Variants in HELQ observed in about 807,000 individuals in gnomAD.
HELQ encodes the protein helicase, POLQ like, also known as helicase POLQ-like.
HELQ carries 77 observed loss-of-function variants against 111.6 expected under a neutral mutation model. That is an observed-to-expected ratio of 0.69 (90% confidence interval 0.57 to 0.83). The LOEUF (loss-of-function observed/expected upper bound fraction) is 0.83. HELQ is among the 40% of genes least tolerant of loss of function. HELQ has a pLI of 0.00. For missense variants in HELQ, 1,200 were observed against 1,288.5 expected (o/e 0.93, Z 1.05); for synonymous variants, 438 against 454.7 (o/e 0.96, Z 0.47).
At position 83,427,589 on chromosome 4, in the gene HELQ, G is replaced by T. The variant is rs754798999; in HGVS notation, c.2650C>A (p.Pro884Thr). 4 of 1,592,498 alleles carry T rather than the reference G, an allele frequency of 2.5e-6. No homozygotes were observed. In the African/African-American group the frequency reaches 5.5e-5, roughly 22 times the overall value. The change falls in exon 13 of 18, where the codon CCT becomes ACT. Residue 884 changes from proline (P) to threonine (T), a missense_variant. Physicochemically the swap from Pro to Thr is conservative, Grantham distance 38. This residue lies in a region of HELQ where 585 missense variants were observed against 665.3 expected (regional missense o/e 0.88). Transcript: ENST00000295488. Reference sequence around the variant, plus strand: ...TGCCTGAAGTATATCATCCAATCAGGGTTACACTGTGAAACCAGATCATAG... The same window carrying T: ...TGCCTGAAGTATATCATCCAATCAGTGTTACACTGTGAAACCAGATCATAG... Reference protein sequence around the residue: ...TPYDLVSQCNPDWMIYFRQFS... With the variant: ...TPYDLVSQCNTDWMIYFRQFS...
Position 83,453,747 on chromosome 4 carries a change from T to C in HELQ, c.496A>G (p.Thr166Ala), listed in dbSNP as rs927516911. Residue 166 changes from threonine (T) to alanine (A), a missense_variant, in exon 2 of 18, where the codon ACT becomes GCT. Thr to Ala is a moderately conservative substitution (Grantham distance 58). This residue lies in a region of HELQ where 610 missense variants were observed against 607.1 expected (regional missense o/e 1.00). Coordinates refer to ENST00000295488, the MANE Select transcript of HELQ (RefSeq NM_133636.5). The stretch of plus-strand genomic sequence containing the variant: ...GTGTGCTTATCAGTTTGTAATTCAG[T>C]AAGGTTGCCTATGGTAGTAATGCTG... Reference protein sequence around the residue: ...KLSITTIGNLTELQTDKHTEN... With the variant: ...KLSITTIGNLAELQTDKHTEN... 1.4e-5 allele frequency: 23 copies of C among 1,614,202 alleles called. No homozygotes were observed. The highest frequency in any genetic ancestry group is 1.9e-5 in the Non-Finnish European group (22 of 1,180,020).
chr4:83,410,229 A>G (rs530386230), intron 17 of HELQ, among the ~76,000 whole-genome samples: 1 of 152,086 alleles, frequency 6.6e-6, no homozygotes, highest in South Asian at 2.1e-4. Flanking sequence ...AGCCTGGGTG[A>G]CAGAGACCTA....
At chr4:83,433,483 C>G (rs1231735190) in intron 9 of HELQ, among the ~76,000 whole-genome samples, 2 of 151,632 alleles carry the variant, frequency 1.3e-5, no homozygotes, top group Non-Finnish European at 2.9e-5. Context: ...CTGGCTAACA[C>G]AGTGAAACCC....
chr4:83,438,509 G>T (rs1054908723), intron 8 of HELQ, among the ~76,000 whole-genome samples: 1 of 152,076 alleles, frequency 6.6e-6, no homozygotes, highest in African/African-American at 2.4e-5. Flanking sequence ...GGGAGGCTAT[G>T]GGGGGCGGAT....
intron 2 of HELQ, among the ~76,000 whole-genome samples, chr4:83,450,222 T>TAAA (rs71668650): frequency 0.1 from 4,698 of 45,518 alleles, 1,323 homozygotes; most frequent in East Asian, 0.26. Flanking sequence ...CAGTTAAGTT[T>TAAA]AAAAAAAAAA....
chr4:83,431,774 A>C lies in HELQ; in HGVS notation c.2191-6T>G. 1.6e-6 allele frequency: 2 copies of C among 1,273,984 alleles called. No homozygotes were observed. The highest frequency in any genetic ancestry group is 2.1e-6 in the Non-Finnish European group (2 of 934,316). 78.9% of individuals were successfully genotyped at this position (1,273,984 alleles called of 1,614,324 possible). A position where few individuals can be genotyped will look rare whatever the true frequency, so the allele number is the denominator to read the frequency against. ...TTAGTTATTAACTCCAATACCTATA[A>C]AGGTTAAAGCAAAACCATGCCTTGT... On this transcript the variant is annotated splice_region_variant and splice_polypyrimidine_tract_variant and intron_variant, in intron 10 of 17. Transcript: ENST00000295488.
chr4:83,444,267 ATGGCTATAGACAGATGTAGAGGTAG>A (rs1720931319), intron 5 of HELQ, among the ~76,000 whole-genome samples: 1 of 152,254 alleles, frequency 6.6e-6, no homozygotes, highest in Non-Finnish European at 1.5e-5. Flanking sequence ...TTCCACAGGT[ATGGCTATAGACAGATGTAGAGGTAG>A]TAGGATAGAG....
intron 8 of HELQ, among the ~76,000 whole-genome samples, chr4:83,438,944 T>A (rs918894377): frequency 6.6e-5 from 10 of 152,160 alleles, no homozygotes; most frequent in African/African-American, 2.4e-4. Flanking sequence ...TTGTCTAAGA[T>A]GTAGCCTGGA....
intron 11 of HELQ, 119 bp downstream of exon 11, chr4:83,431,545 T>G (rs901702692): frequency 2.7e-6 from 1 of 372,060 alleles, no homozygotes; most frequent in Non-Finnish European, 4.8e-6. Flanking sequence ...AAAGAAAAAA[T>G]TATTAAATAA....
intron 7 of HELQ, among the ~76,000 whole-genome samples, chr4:83,440,457 T>C (rs960512089): frequency 6.6e-6 from 1 of 152,178 alleles, no homozygotes; most frequent in African/African-American, 2.4e-5. Context: ...ATCATACTAC[T>C]GAATTATGAC....
At chr4:83,414,387 G>A (rs760837880) in intron 17 of HELQ, among the ~76,000 whole-genome samples, 7 of 152,314 alleles carry the variant, frequency 4.6e-5, no homozygotes, top group South Asian at 4.1e-4. Flanking sequence ...GGGGTGGACC[G>A]TCTCTCAAAT....
chr4:83,417,974 A>T, intron 16 of HELQ, 119 bp downstream of exon 16: 1 of 513,644 alleles, frequency 1.9e-6, no homozygotes, highest in Non-Finnish European at 3.5e-6. Context: ...TCCCATGACA[A>T]ATGAGCAATT....
chr4:83,454,500 C>T (rs1721618754), intron 1 of HELQ, among the ~76,000 whole-genome samples: 1 of 151,984 alleles, frequency 6.6e-6, no homozygotes. Context: ...GTCTTGACAT[C>T]CTGGGCTCAA....
Position 83,418,104 on chromosome 4 carries a change from C to T in HELQ, c.3052G>A (p.Gly1018Arg). The T allele has an allele frequency of 3.1e-6, 5 of 1,588,234 alleles. No homozygotes were observed. Among genetic ancestry groups the T allele is most frequent in the South Asian group, 2.3e-5 (2 of 87,204 alleles). ...AELIPLMEVT[G>R]VLEGRAKQLY... ...AACAAGCTACTGACCTCTAAAACTC[C>T]AGTAACTTCCATGAGAGGGATTAAT... Residue 1018 changes from glycine to arginine, a missense_variant, in exon 16 of 18, where the codon GGA (glycine) becomes AGA (arginine). Physicochemically the swap from Gly to Arg is moderately radical, Grantham distance 125. Around this residue, in one of 3 missense-constraint regions of HELQ, gnomAD observed 585 missense variants for 665.3 expected, o/e 0.88. Coordinates refer to ENST00000295488, the MANE Select transcript of HELQ (RefSeq NM_133636.5).
At chr4:83,407,689 A>G in intron 17 of HELQ, 129 bp from the exon 18 acceptor site, 1 of 621,612 alleles carries the variant, frequency 1.6e-6, no homozygotes, top group Admixed American at 3.6e-5. Flanking sequence ...CTATAATGAG[A>G]TTGAAAAATG....
In HELQ at chr4:83,455,706, G is replaced by T; in HGVS notation, c.-13C>A. On this transcript the variant is annotated 5_prime_UTR_variant, in exon 1 of 18. In the 5' UTR this introduces an upstream ATG that the reference lacks. Coordinates refer to ENST00000295488, the MANE Select transcript of HELQ (RefSeq NM_133636.5). ...CACATTCATCCATGGCAAGGACCCA[G>T]GGCCCTATTCAGACGTCGTTCTCAG... The T allele has an allele frequency of 6.3e-7, 1 of 1,597,822 alleles. No homozygotes were observed.
intron 9 of HELQ, among the ~76,000 whole-genome samples, chr4:83,436,233 A>G (rs1433740768): frequency 6.6e-6 from 1 of 152,200 alleles, no homozygotes; most frequent in African/African-American, 2.4e-5. Flanking sequence ...GTAAGAAAAT[A>G]GAGAAGCCGA....
In HELQ at chr4:83,418,206, C is replaced by A; in HGVS notation, c.2950G>T (p.Glu984Ter). ...CTGTAAACCCAAAACTCCTCAAGCTCCTGTAGAACACAAAGAAATATATAA... is the reference window on the plus strand; with the variant it reads ...CTGTAAACCCAAAACTCCTCAAGCTACTGTAGAACACAAAGAAATATATAA... ...FSSCVLHFCE[E>*]LEEFWVYRAL... is the part of the protein sequence containing the mutation. The change falls in exon 16 of 18, where the codon GAG becomes TAG. Residue 984 changes from glutamate to a stop codon, truncating the protein, a stop_gained and splice_region_variant. Coordinates refer to ENST00000295488, the MANE Select transcript of HELQ (RefSeq NM_133636.5). LOFTEE classifies it high-confidence loss of function. 6 of 1,523,956 alleles carry A rather than the reference C, an allele frequency of 3.9e-6. No homozygotes were observed. Among genetic ancestry groups the A allele is most frequent in the Non-Finnish European group, 5.4e-6 (6 of 1,115,654 alleles). The allele number at this position is 1,523,956 out of a possible 1,614,324, so 94.4% of individuals were successfully genotyped here.
At chr4:83,431,642 A>G in intron 11 of HELQ, 22 bp downstream of exon 11, 2 of 1,299,280 alleles carry the variant, frequency 1.5e-6, no homozygotes, top group South Asian at 2.7e-5. Flanking sequence ...CAGTAATAAG[A>G]TAAAAAATTT....
Sources: gnomAD v4.1 joint callset for allele counts (sites outside exome capture counted in the v4.1 genomes callset) on GRCh38, gnomAD v4.1.1 for gene constraint, gnomAD v4.1.1 regional missense constraint, MANE v1.5 for transcripts, NCBI Gene and HGNC (gene_info 2026-07-23, HGNC 2026-07-21) for gene names.